The following PWWP3B variants were observed in gnomAD, a reference collection of about 807,000 sequenced individuals.
PWWP3B encodes PWWP domain-containing DNA repair factor 3B.
PWWP3B carries 5 observed loss-of-function variants against 15.7 expected under a neutral mutation model. That is an observed-to-expected ratio of 0.32 (90% CI 0.17 to 0.67). The LOEUF (loss-of-function observed/expected upper bound fraction) is 0.67. Ranked by LOEUF, PWWP3B falls within the 30% of genes least tolerant of loss-of-function variation. The pLI, the probability that PWWP3B is intolerant of heterozygous loss-of-function variation, is 0.74. For synonymous variants in PWWP3B, 203 were observed against 179.8 expected (o/e 1.13, Z -1.03); for missense variants, 519 against 493.1 (o/e 1.05, Z -0.50).
At chrX:106,191,448 G>C (rs1421363095) in intron 2 of PWWP3B, among the ~76,000 whole-genome samples, 1 of 111,381 alleles carries the variant, frequency 9.0e-6, no homozygotes, top group Non-Finnish European at 1.9e-5. Context: ...GGGCTGAGAC[G>C]ATGGGGTTTT....
At chrX:106,172,571 C>A (rs73247925) in intron 2 of PWWP3B, among the ~76,000 whole-genome samples, 1 of 110,414 alleles carries the variant, frequency 9.1e-6, no homozygotes, top group Non-Finnish European at 1.9e-5. Flanking sequence ...TTACACATCT[C>A]GTCCCACTGG....
chrX:106,200,972 C>T (rs1040358004), intron 2 of PWWP3B, among the ~76,000 whole-genome samples: 30 of 108,721 alleles, frequency 2.8e-4, no homozygotes, highest in Non-Finnish European at 1.3e-4. Flanking sequence ...GGCGTGAACC[C>T]GGGAGGCGGA....
At chrX:106,175,040 CAAAA>C (rs61441273) in intron 2 of PWWP3B, among the ~76,000 whole-genome samples, 1 of 43,541 alleles carries the variant, frequency 2.3e-5, no homozygotes. Flanking sequence ...GACTCTGTCT[CAAAA>C]AAAAAAAAAA....
rs758426474 is a variant in PWWP3B at position 106,190,023 on chromosome X, T to C, written c.-400-13962T>C. Among the ~76,000 whole-genome samples the C allele has an allele frequency of 5.8e-3, 649 of 112,181 alleles. 4 individuals are homozygous for C. Among genetic ancestry groups the C allele is most frequent in the African/African-American group, 0.021 (636 of 30,828 alleles). On this transcript the variant is annotated intron_variant, in intron 2 of 3. Coordinates refer to ENST00000357175, the MANE Select transcript of PWWP3B (RefSeq NM_001171020.2). The stretch of plus-strand genomic sequence containing the variant: ...AAACATACATGTGCATGTGTCTTTA[T>C]AGCAGCATGATTTATAGTCCTTTGG...
At chrX:106,185,900 G>A (rs780604590) in intron 2 of PWWP3B, among the ~76,000 whole-genome samples, 2 of 112,143 alleles carry the variant, frequency 1.8e-5, no homozygotes, top group Non-Finnish European at 3.8e-5. Context: ...AGGCCTGCTA[G>A]TCTGAGGATG....
chrX:106,184,152 T>C (rs1449931625), intron 2 of PWWP3B, among the ~76,000 whole-genome samples: 1 of 111,352 alleles, frequency 9.0e-6, no homozygotes, highest in African/African-American at 3.3e-5. Flanking sequence ...TTCCTCTTGG[T>C]CCCTATTATA....
At chrX:106,189,699 G>C (rs1167554986) in intron 2 of PWWP3B, among the ~76,000 whole-genome samples, 1 of 102,434 alleles carries the variant, frequency 9.8e-6, no homozygotes, top group Non-Finnish European at 2.0e-5. Flanking sequence ...CTCACTGCAA[G>C]CTCTGCCTCC....
At chrX:106,196,887 C>T (rs1280526877) in intron 2 of PWWP3B, among the ~76,000 whole-genome samples, 2 of 111,692 alleles carry the variant, frequency 1.8e-5, no homozygotes, top group Non-Finnish European at 3.8e-5. Flanking sequence ...TCAGTTGGAG[C>T]CTGGAGTGCT....
At chrX:106,201,952 C>T (rs1923728919) in intron 2 of PWWP3B, among the ~76,000 whole-genome samples, 1 of 112,062 alleles carries the variant, frequency 8.9e-6, no homozygotes, top group Non-Finnish European at 1.9e-5. Context: ...TAGAAGTCCA[C>T]AGTGGGAGAA....
chrX:106,201,310 A>G (rs1464951171), intron 2 of PWWP3B, among the ~76,000 whole-genome samples: 2 of 112,052 alleles, frequency 1.8e-5, no homozygotes, highest in Non-Finnish European at 3.8e-5. Context: ...TCCCTCAAAT[A>G]ATGTACAGTT....
chrX:106,189,206 T>C, intron 2 of PWWP3B, among the ~76,000 whole-genome samples: 1 of 112,286 alleles, frequency 8.9e-6, no homozygotes, highest in East Asian at 2.8e-4. Flanking sequence ...GCTATTCCTT[T>C]TTTTAACTTT....
At chrX:106,186,955 A>G (rs926602811) in intron 2 of PWWP3B, among the ~76,000 whole-genome samples, 1 of 111,946 alleles carries the variant, frequency 8.9e-6, no homozygotes. Flanking sequence ...ACAATCCTCT[A>G]GCTAGACGCA....
chrX:106,179,090 A>G (rs919880432), intron 2 of PWWP3B, among the ~76,000 whole-genome samples: 6 of 112,009 alleles, frequency 5.4e-5, no homozygotes, highest in Non-Finnish European at 1.1e-4. Flanking sequence ...TTTTCTCCAG[A>G]CAACTATTTT....
chrX:106,176,069 C>T (rs1921883309), intron 2 of PWWP3B, among the ~76,000 whole-genome samples: 1 of 110,759 alleles, frequency 9.0e-6, no homozygotes, highest in African/African-American at 3.3e-5. Context: ...TTGTGAGAAT[C>T]AAATGGGCTT....
At chrX:106,180,271 C>T (rs1922119335) in intron 2 of PWWP3B, among the ~76,000 whole-genome samples, 1 of 111,747 alleles carries the variant, frequency 8.9e-6, no homozygotes, top group Non-Finnish European at 1.9e-5. Context: ...CCCTCTCATA[C>T]ACACGTATAT....
At chrX:106,191,249 G>A (rs1455051613) in intron 2 of PWWP3B, among the ~76,000 whole-genome samples, 1 of 110,893 alleles carries the variant, frequency 9.0e-6, no homozygotes, top group East Asian at 2.8e-4. Flanking sequence ...TCTCCTTGAA[G>A]AGGTCCTTCA....
chrX:106,184,894 T>C (rs1268540582), intron 2 of PWWP3B, among the ~76,000 whole-genome samples: 1 of 110,936 alleles, frequency 9.0e-6, no homozygotes, highest in African/African-American at 3.3e-5. Context: ...CTTGGAGATT[T>C]CTTTGCTTGC....
chrX:106,192,458 G>T (rs1923049350), intron 2 of PWWP3B, among the ~76,000 whole-genome samples: 1 of 110,974 alleles, frequency 9.0e-6, no homozygotes, highest in African/African-American at 3.3e-5. Flanking sequence ...CTTGGTAGCG[G>T]TCTATCAATT....
rs184202297 is a variant in PWWP3B at position 106,208,285 on chromosome X, C to G, written c.*762C>G. ...TGGCTGAATAGTTCCTTAAATCAGA[C>G]AAGCTCCTGGCTATCTTCATAACCA... On this transcript the variant is annotated 3_prime_UTR_variant, in exon 4 of 4. Coordinates refer to ENST00000357175, the MANE Select transcript of PWWP3B (RefSeq NM_001171020.2). 1 of 123,377 alleles carries G rather than the reference C, an allele frequency of 8.1e-6. No homozygotes were observed. The highest frequency in any genetic ancestry group is 2.8e-4 in the East Asian group (1 of 3,566). The allele number at this position is 123,377 out of a possible 1,213,427, so 10.2% of individuals were successfully genotyped here.
Sources: allele counts gnomAD v4.1 joint callset (sites outside exome capture counted in the v4.1 genomes callset), GRCh38; gene constraint gnomAD v4.1.1; transcripts MANE v1.5; gene names NCBI Gene and HGNC (gene_info 2026-07-23, HGNC 2026-07-21).